NCAPG2: variants seen among roughly 807,000 people sequenced by gnomAD.
NCAPG2 encodes non-SMC condensin II complex subunit G2, also known as condensin-2 complex subunit G2.
Under a neutral mutation model 141.1 loss-of-function variants are expected in NCAPG2, and 53 were observed. The observed-to-expected ratio is 0.38, with a 90% CI of 0.30 to 0.47. The LOEUF is 0.47. Among genes scored for constraint, NCAPG2 ranks in the 20% least tolerant of loss-of-function variants. The probability of loss-of-function intolerance (pLI) is 0.99; values close to 1 mark genes in which losing one functional copy is unlikely to be tolerated. For synonymous variants in NCAPG2, 499 were observed against 490.7 expected (o/e 1.02, Z -0.22); for missense variants, 1,087 against 1,389.0 (o/e 0.78, Z 3.46).
chr7:158,642,009 C>T (rs1830683507), intron 27 of NCAPG2, among the ~76,000 whole-genome samples: 1 of 152,110 alleles, frequency 6.6e-6, no homozygotes, highest in Non-Finnish European at 1.5e-5. Context: ...ATAAGACACA[C>T]CTTCACGAAT....
At chr7:158,695,464 CCCTGAAGAAAT>C (rs528067353) in intron 2 of NCAPG2, among the ~76,000 whole-genome samples, 5 of 152,184 alleles carry the variant, frequency 3.3e-5, no homozygotes, top group Non-Finnish European at 7.3e-5. Context: ...GAAAAATCAA[CCCTGAAGAAAT>C]GAGAGTGAGA....
At chr7:158,632,656 G>C (rs376503986) in intron 27 of NCAPG2, among the ~76,000 whole-genome samples, 6 of 152,344 alleles carry the variant, frequency 3.9e-5, no homozygotes, top group Admixed American at 6.5e-5. Flanking sequence ...TTTGGAGACA[G>C]ACTGCTGTCT....
chr7:158,675,957 A>G (rs568872806), intron 11 of NCAPG2, among the ~76,000 whole-genome samples: 199 of 152,176 alleles, frequency 1.3e-3, no homozygotes, highest in Non-Finnish European at 2.4e-3. Context: ...AGGTGTTCAG[A>G]TTAGGCATGG....
chr7:158,666,473 A>G (rs946068705), intron 13 of NCAPG2, among the ~76,000 whole-genome samples: 4 of 152,000 alleles, frequency 2.6e-5, no homozygotes, highest in African/African-American at 9.7e-5. Flanking sequence ...AACCACCCCC[A>G]GCATAGATAT....
In NCAPG2 at chr7:158,684,318, T is replaced by C. The variant is rs7794321; in HGVS notation, c.838-932A>G. On this transcript the variant is annotated intron_variant, in intron 8 of 27. Coordinates refer to ENST00000356309, the MANE Select transcript of NCAPG2 (RefSeq NM_017760.7). The stretch of plus-strand genomic sequence containing the variant: ...CTACAGGACAACTGGTCCAGTTTCC[T>C]CACATGCCAATGGCATAGATTTTAA... Among the ~76,000 whole-genome samples, 442 of 152,300 alleles carry C rather than the reference T, an allele frequency of 2.9e-3. 7 individuals carry two copies. Among genetic ancestry groups the C allele is most frequent in the African/African-American group, 0.01 (421 of 41,556 alleles).
At chr7:158,663,095 G>A (rs1237938297) in intron 15 of NCAPG2, among the ~76,000 whole-genome samples, 1 of 152,200 alleles carries the variant, frequency 6.6e-6, no homozygotes, top group Non-Finnish European at 1.5e-5. Context: ...GTGCATTGTG[G>A]CTGCATGCCA....
At chr7:158,664,835 C>T in intron 13 of NCAPG2, 85 bp from the exon 14 acceptor site, 2 of 1,135,212 alleles carry the variant, frequency 1.8e-6, no homozygotes, top group Non-Finnish European at 2.5e-6. Context: ...TCAAGCACAA[C>T]CAAAAAAGGA....
Position 158,693,510 on chromosome 7 carries a change from T to C in NCAPG2, c.79-13A>G. 3 of 1,591,534 alleles carry C rather than the reference T, an allele frequency of 1.9e-6. No homozygotes were observed. The highest frequency in any genetic ancestry group is 2.3e-5 in the South Asian group (2 of 88,394). ...CAGAGGCCTCTTTCTGTAACATAAATAGCAAGTGTCACATTTCAAATACAA... is the reference window on the plus strand; with the variant it reads ...CAGAGGCCTCTTTCTGTAACATAAACAGCAAGTGTCACATTTCAAATACAA... On this transcript the variant is annotated splice_polypyrimidine_tract_variant and intron_variant, in intron 2 of 27. Coordinates refer to ENST00000356309, the MANE Select transcript of NCAPG2 (RefSeq NM_017760.7).
intron 2 of NCAPG2, among the ~76,000 whole-genome samples, chr7:158,697,823 T>C (rs190781592): frequency 8.5e-5 from 13 of 152,136 alleles, no homozygotes; most frequent in Admixed American, 1.3e-4. Context: ...CCATTATCCA[T>C]AGCAAACTAA....
At chr7:158,657,535 G>C (rs1832080406) in intron 17 of NCAPG2, among the ~76,000 whole-genome samples, 1 of 152,186 alleles carries the variant, frequency 6.6e-6, no homozygotes, top group Non-Finnish European at 1.5e-5. Flanking sequence ...AGGTGGGGGG[G>C]TCAGCCCCCC....
At chr7:158,651,289 G>T (rs1426293752) in intron 23 of NCAPG2, among the ~76,000 whole-genome samples, 1 of 152,290 alleles carries the variant, frequency 6.6e-6, no homozygotes, top group African/African-American at 2.4e-5. Context: ...TTAAAATAAG[G>T]CATCAGCTAT....
In NCAPG2 at chr7:158,664,445, T is replaced by C. The variant is rs936096281; in HGVS notation, c.1702+83A>G. 10 of 1,531,836 alleles carry C rather than the reference T, an allele frequency of 6.5e-6. No homozygotes were observed. The African/African-American group carries it at 8.3e-5, about 13-fold the overall frequency. The allele number at this position is 1,531,836 out of a possible 1,614,324, so 94.9% of individuals were successfully genotyped here. ...GCATTAAAGTATGAAGCTTATTAAA[T>C]TGACAAATACTGAACTCTGTAATTT... On this transcript the variant is annotated intron_variant, in intron 14 of 27. Coordinates refer to ENST00000356309, the MANE Select transcript of NCAPG2 (RefSeq NM_017760.7).
At chr7:158,685,069 C>G (rs1834672905) in intron 8 of NCAPG2, among the ~76,000 whole-genome samples, 1 of 152,052 alleles carries the variant, frequency 6.6e-6, no homozygotes, top group Non-Finnish European at 1.5e-5. Flanking sequence ...TCCTTTCTGA[C>G]CTAGAGTAAA....
At chr7:158,660,654 A>G (rs1832426875) in intron 16 of NCAPG2, among the ~76,000 whole-genome samples, 1 of 152,068 alleles carries the variant, frequency 6.6e-6, no homozygotes, top group Non-Finnish European at 1.5e-5. Context: ...AGCCTGAAGC[A>G]ATCCTCCTGC....
rs1587322770 is a variant in NCAPG2 at position 158,702,021 on chromosome 7, C to T, written c.-39-83G>A. ...TTAATTTGATATTAACATCCAAGAA[C>T]TGCAAGAAAATTCCTCAACCACGTA... On this transcript the variant is annotated intron_variant, in intron 1 of 27. Coordinates refer to ENST00000356309, the MANE Select transcript of NCAPG2 (RefSeq NM_017760.7). 13 of 857,478 alleles carry T rather than the reference C, an allele frequency of 1.5e-5. No homozygotes were observed. The East Asian group carries it at 3.5e-4, about 23-fold the overall frequency. The allele number at this position is 857,478 out of a possible 1,614,324, so 53.1% of individuals were successfully genotyped here. A position where few individuals can be genotyped will look rare whatever the true frequency, so the allele number is the denominator to read the frequency against.
At chr7:158,665,012 G>T in intron 13 of NCAPG2, 1 of 370,500 alleles carries the variant, frequency 2.7e-6, no homozygotes, top group Non-Finnish European at 4.8e-6. Context: ...TTAACACCAT[G>T]ATTAACATAC....
In NCAPG2 at chr7:158,687,391, T is replaced by C. The variant is rs766807525; in HGVS notation, c.724A>G (p.Met242Val). 5.0e-6 allele frequency: 8 copies of C among 1,611,762 alleles called. 1 individual carries two copies. In the South Asian group the frequency reaches 6.6e-5, roughly 13 times the overall value. The change falls in exon 7 of 28, where the codon ATG becomes GTG. Residue 242 changes from methionine to valine, a missense_variant. Physicochemically the swap from Met to Val is conservative, Grantham distance 21. Transcript: ENST00000356309. ...TGGTTTTTAATGGTCCCGTGGATCA[T>C]TTTGATGAAGTTGATATTCCAGTTG... ...LFNWNINFIK[M>V]IHGTIKNQLQ...
chr7:158,634,342 T>C (rs1210984959), intron 27 of NCAPG2, among the ~76,000 whole-genome samples: 1 of 152,210 alleles, frequency 6.6e-6, no homozygotes, highest in African/African-American at 2.4e-5. Flanking sequence ...CTATATACTA[T>C]ATCGTCTATA....
At chr7:158,662,522 G>A (rs1832594192) in intron 15 of NCAPG2, among the ~76,000 whole-genome samples, 155 bp from the exon 16 acceptor site, 1 of 152,136 alleles carries the variant, frequency 6.6e-6, no homozygotes, top group Non-Finnish European at 1.5e-5. Context: ...TTCTAGGGAG[G>A]TAAATTTATT....
Sources: gnomAD v4.1 joint callset for allele counts (sites outside exome capture counted in the v4.1 genomes callset) on GRCh38, gnomAD v4.1.1 for gene constraint, MANE v1.5 for transcripts, NCBI Gene and HGNC (gene_info 2026-07-23, HGNC 2026-07-21) for gene names.